Variants in EFCAB13 observed in about 807,000 individuals in gnomAD.
EFCAB13 encodes EF-hand calcium-binding domain-containing protein 13.
In EFCAB13, 91 loss-of-function variants were observed where a neutral mutation model predicts 110.2. The ratio of observed to expected loss-of-function variants is 0.83; its 90% CI spans 0.70 to 0.98. The LOEUF (loss-of-function observed/expected upper bound fraction) is 0.98, where lower values mean the gene tolerates loss of function less well. Among genes scored for constraint, EFCAB13 ranks in the 50% least tolerant of loss-of-function variants. EFCAB13 has a pLI of 0.00. For synonymous variants in EFCAB13, 323 were observed against 369.9 expected (o/e 0.87, Z 1.45); for missense variants, 968 against 1,119.4 (o/e 0.86, Z 1.93).
chr17:47,339,164 C>T (rs933257558), intron 5 of EFCAB13, among the ~76,000 whole-genome samples: 1 of 151,978 alleles, frequency 6.6e-6, no homozygotes, highest in African/African-American at 2.4e-5. Flanking sequence ...ATGGGTTGTT[C>T]TTGAAATTTA....
At chr17:47,439,019 C>T (rs1905262832) in intron 24 of EFCAB13, among the ~76,000 whole-genome samples, 1 of 151,986 alleles carries the variant, frequency 6.6e-6, no homozygotes, top group Non-Finnish European at 1.5e-5. Flanking sequence ...CATCCATCAG[C>T]TCTCTGACTT....
chr17:47,391,545 A>C lies in EFCAB13; in HGVS notation c.1691A>C (p.Glu564Ala), dbSNP rs772526453. ...TTTGGTATTTACCTTTCTAAGCCAG[A>C]ATTTAAGAAGATCACAGAACTGACT... ...QNFGIYLSKP[E>A]FKKITELTEA... The change falls in exon 15 of 25, where the codon GAA (glutamate) becomes GCA (alanine). Residue 564 changes from glutamate (E) to alanine (A), a missense_variant. By Grantham distance (107) the Glu-to-Ala change is moderately radical (BLOSUM62 -1). Transcript: ENST00000331493. 1 of 1,592,344 alleles carries C rather than the reference A, an allele frequency of 6.3e-7. No homozygotes were observed. The highest frequency in any genetic ancestry group is 8.5e-7 in the Non-Finnish European group (1 of 1,172,178).
At position 47,403,835 on chromosome 17, in the gene EFCAB13, A is replaced by G. The variant is rs192935364; in HGVS notation, c.2018-43A>G. ...TTTCCACTAACAAATGTCTTGAGTG[A>G]TGGCTACTGCTTTTTATTAATTAAC... On this transcript the variant is annotated intron_variant, in intron 18 of 24. Coordinates refer to ENST00000331493, the MANE Select transcript of EFCAB13 (RefSeq NM_152347.5). 1.6e-3 allele frequency: 2,473 copies of G among 1,543,796 alleles called. 17 individuals are homozygous for G. Among genetic ancestry groups the G allele is most frequent in the Middle Eastern group, 9.4e-3 (54 of 5,734 alleles).
chr17:47,420,428 C>G (rs903411633), intron 23 of EFCAB13, among the ~76,000 whole-genome samples: 1 of 150,988 alleles, frequency 6.6e-6, no homozygotes, highest in Non-Finnish European at 1.5e-5. Flanking sequence ...ACGTGAGGAG[C>G]CCCTCTGCCT....
At chr17:47,426,783 C>T (rs1904977773) in intron 23 of EFCAB13, among the ~76,000 whole-genome samples, 1 of 151,980 alleles carries the variant, frequency 6.6e-6, no homozygotes, top group African/African-American at 2.4e-5. Context: ...TTTTAGGTAC[C>T]TGGATTTTGT....
chr17:47,415,014 T>G (rs1598758623), intron 23 of EFCAB13, 95 bp downstream of exon 23: 1 of 878,582 alleles, frequency 1.1e-6, no homozygotes, highest in East Asian at 2.8e-5. Flanking sequence ...TAGACTGGAT[T>G]AAGAAAATGT....
chr17:47,399,043 C>T (rs1401845551), intron 17 of EFCAB13, among the ~76,000 whole-genome samples: 1 of 152,166 alleles, frequency 6.6e-6, no homozygotes, highest in African/African-American at 2.4e-5. Context: ...CTGCCTCAGC[C>T]TCCCAAGTAG....
chr17:47,434,742 T>A (rs1436714091), intron 24 of EFCAB13, among the ~76,000 whole-genome samples: 1 of 151,986 alleles, frequency 6.6e-6, no homozygotes, highest in Non-Finnish European at 1.5e-5. Context: ...TAAAGCCAAA[T>A]ACAGCCAACT....
Position 47,403,932 on chromosome 17 carries a change from G to C in EFCAB13, c.2072G>C (p.Gly691Ala). The stretch of plus-strand genomic sequence containing the variant: ...TTGCTGGAAGGTGACATGATAGCTG[G>C]GAAGAACTTGGAAGACTTTCTAAGA... ...ADLLEGDMIA[G>A]KNLEDFLRNV... The change falls in exon 19 of 25, where the codon GGG (glycine) becomes GCG (alanine). Residue 691 changes from glycine (G) to alanine (A), a missense_variant. Coordinates refer to ENST00000331493, the MANE Select transcript of EFCAB13 (RefSeq NM_152347.5). 1 of 1,611,038 alleles carries C rather than the reference G, an allele frequency of 6.2e-7. No individual in the cohort carries two copies. Among genetic ancestry groups the C allele is most frequent in the Non-Finnish European group, 8.5e-7 (1 of 1,178,342 alleles).
intron 18 of EFCAB13, 127 bp downstream of exon 18, chr17:47,402,330 G>C (rs56195427): frequency 1.2e-6 from 1 of 849,204 alleles, no homozygotes; most frequent in African/African-American, 1.7e-5. Context: ...ATGTTTATAC[G>C]CAGATGAAAC....
intron 10 of EFCAB13, 145 bp from the exon 11 acceptor site, chr17:47,370,292 A>C: frequency 1.6e-6 from 1 of 638,928 alleles, no homozygotes; most frequent in Non-Finnish European, 2.8e-6. Context: ...TTAATTCATG[A>C]TTTCAGATTT....
At chr17:47,357,228 C>G (rs2065485971) in intron 9 of EFCAB13, among the ~76,000 whole-genome samples, 1 of 152,162 alleles carries the variant, frequency 6.6e-6, no homozygotes, top group East Asian at 1.9e-4. Context: ...GCATCCATCT[C>G]CTTGAAGGGG....
intron 5 of EFCAB13, among the ~76,000 whole-genome samples, chr17:47,337,371 G>C (rs1306926343): frequency 6.6e-6 from 1 of 152,168 alleles, no homozygotes; most frequent in Non-Finnish European, 1.5e-5. Context: ...TACAAATGTA[G>C]GAGGAGGGGT....
At chr17:47,366,127 T>G (rs1476949616) in intron 10 of EFCAB13, among the ~76,000 whole-genome samples, 1 of 152,120 alleles carries the variant, frequency 6.6e-6, no homozygotes, top group Non-Finnish European at 1.5e-5. Flanking sequence ...GATAGGTAGA[T>G]AATATGTTCA....
At chr17:47,399,607 T>G (rs2065768126) in intron 17 of EFCAB13, among the ~76,000 whole-genome samples, 2 of 151,986 alleles carry the variant, frequency 1.3e-5, no homozygotes, top group South Asian at 4.2e-4. Context: ...AAATTACTGA[T>G]CTAGGGTATT....
intron 9 of EFCAB13, among the ~76,000 whole-genome samples, chr17:47,351,647 C>T (rs2065453868): frequency 6.6e-6 from 1 of 151,908 alleles, no homozygotes; most frequent in Non-Finnish European, 1.5e-5. Flanking sequence ...CTTTTGTTGT[C>T]TTTGATCTGT....
At chr17:47,404,230 C>T (rs2065793871) in intron 19 of EFCAB13, among the ~76,000 whole-genome samples, 1 of 152,136 alleles carries the variant, frequency 6.6e-6, no homozygotes, top group Non-Finnish European at 1.5e-5. Flanking sequence ...GCTCTGTCCT[C>T]ATTGCTATCT....
At chr17:47,336,573 G>A (rs1057340883) in intron 5 of EFCAB13, among the ~76,000 whole-genome samples, 2 of 151,052 alleles carry the variant, frequency 1.3e-5, no homozygotes, top group African/African-American at 2.4e-5. Context: ...TTATAGGCGT[G>A]AGCCACCGCA....
At chr17:47,420,977 C>T (rs1481475775) in intron 23 of EFCAB13, among the ~76,000 whole-genome samples, 4 of 143,112 alleles carry the variant, frequency 2.8e-5, no homozygotes, top group South Asian at 2.2e-4. Flanking sequence ...CCGCCCCGTC[C>T]GGGAGGGAGG....
Sources: gnomAD v4.1 joint callset for allele counts (sites outside exome capture counted in the v4.1 genomes callset) on GRCh38, gnomAD v4.1.1 for gene constraint, MANE v1.5 for transcripts, NCBI Gene and HGNC (gene_info 2026-07-23, HGNC 2026-07-21) for gene names.